SORCS3: variants seen among roughly 807,000 people sequenced by gnomAD.
The protein encoded by SORCS3 is sortilin related VPS10 domain containing receptor 3.
Under a neutral mutation model 146.3 loss-of-function variants are expected in SORCS3, and 57 were observed. The observed-to-expected ratio is 0.39, with a 90% CI of 0.31 to 0.49. SORCS3 has a LOEUF of 0.49. SORCS3 is among the 20% of genes least tolerant of loss of function. The pLI, the probability that SORCS3 is intolerant of heterozygous loss-of-function variation, is 0.92. For missense variants in SORCS3, 1,341 were observed against 1,575.5 expected, an observed-to-expected ratio of 0.85 and a Z score of 2.52; for synonymous variants, 653 against 618.5, an observed-to-expected ratio of 1.06 and a Z score of -0.83.
chr10:104,860,335 C>T (rs894251589), intron 2 of SORCS3, among the ~76,000 whole-genome samples: 13 of 123,686 alleles, frequency 1.1e-4, no homozygotes, highest in African/African-American at 2.6e-4. Flanking sequence ...AACCAAACAC[C>T]GCGTTTGCTC....
chr10:104,702,446 C>G (rs1174770905), intron 1 of SORCS3, among the ~76,000 whole-genome samples: 1 of 152,104 alleles, frequency 6.6e-6, no homozygotes, highest in African/African-American at 2.4e-5. Flanking sequence ...CACCACCATG[C>G]CTGGCAAATT....
At chr10:105,246,071 C>G (rs1180599290) in intron 21 of SORCS3, among the ~76,000 whole-genome samples, 2 of 152,156 alleles carry the variant, frequency 1.3e-5, no homozygotes, top group East Asian at 3.8e-4. Flanking sequence ...ATGAGATGAT[C>G]TCTATTCACA....
chr10:104,794,627 GAGAGAGAGAGAGAGAGAGA>G lies in SORCS3; in HGVS notation c.628-48164_628-48146del, dbSNP rs1564685537. On this transcript the variant is annotated intron_variant, in intron 1 of 26. Coordinates refer to ENST00000369701, the MANE Select transcript of SORCS3 (RefSeq NM_014978.3). ...TGTGAGAGAGAGAGAGGGAGGGAGA[GAGAGAGAGAGAGAGAGAGA>G]GAGAGAGAGAGAGAATATTATCCAG... is the stretch of plus-strand genomic sequence containing the variant. 2.1e-5 allele frequency among the ~76,000 whole-genome samples: 3 copies of G among 142,328 alleles called. No homozygotes were observed. In the Admixed American group the frequency reaches 2.1e-4, roughly 10 times the overall value. 93.4% of individuals were successfully genotyped at this position (142,328 alleles called of 152,430 possible).
intron 4 of SORCS3, among the ~76,000 whole-genome samples, chr10:105,042,811 G>A (rs921762535): frequency 6.6e-6 from 1 of 152,120 alleles, no homozygotes; most frequent in East Asian, 1.9e-4. Context: ...GACAGTGATG[G>A]CCATCAGAAG....
At position 104,767,894 on chromosome 10, in the gene SORCS3, A is replaced by G. The variant is rs533936647; in HGVS notation, c.628-74898A>G. On this transcript the variant is annotated intron_variant, in intron 1 of 26. Transcript: ENST00000369701. ...GAGTCTATTAGAGCTTGCTGGTAGT[A>G]TAAAACATGGTCAATAGGTGCCACT... Among the ~76,000 whole-genome samples, 13 of 147,398 alleles carry G rather than the reference A, an allele frequency of 8.8e-5. No homozygotes were observed. In the East Asian group the frequency reaches 2.6e-3, roughly 30 times the overall value.
chr10:105,204,143 G>T (rs577294972), intron 16 of SORCS3, among the ~76,000 whole-genome samples: 1 of 152,120 alleles, frequency 6.6e-6, no homozygotes, highest in Non-Finnish European at 1.5e-5. Flanking sequence ...GAGGTACCAT[G>T]TGGATCCAAG....
At chr10:104,756,246 C>T (rs2017049376) in intron 1 of SORCS3, among the ~76,000 whole-genome samples, 1 of 152,144 alleles carries the variant, frequency 6.6e-6, no homozygotes, top group Admixed American at 6.5e-5. Context: ...TCTCTCCACA[C>T]CTATGTTAAA....
chr10:104,825,857 A>G (rs913081149), intron 1 of SORCS3, among the ~76,000 whole-genome samples: 5 of 152,098 alleles, frequency 3.3e-5, no homozygotes, highest in African/African-American at 1.2e-4. Context: ...GTTACACAAA[A>G]CCAGAACAAC....
intron 2 of SORCS3, among the ~76,000 whole-genome samples, chr10:104,877,820 A>C (rs1310089091): frequency 1.3e-5 from 2 of 152,224 alleles, no homozygotes; most frequent in Non-Finnish European, 2.9e-5. Context: ...TTTAAAACAT[A>C]GGAAACTGTA....
intron 14 of SORCS3, among the ~76,000 whole-genome samples, chr10:105,189,184 C>T (rs956178348): frequency 1.3e-5 from 2 of 152,190 alleles, no homozygotes; most frequent in Non-Finnish European, 2.9e-5. Flanking sequence ...CTGCCCTCAG[C>T]TTGCTGGCTA....
At chr10:105,035,532 G>A (rs2797815) in intron 4 of SORCS3, among the ~76,000 whole-genome samples, 44,367 of 150,602 alleles carry the variant, frequency 0.29, 8,789 homozygotes, top group African/African-American at 0.57. Context: ...CAGTGGTGCA[G>A]TCTCGGCTCA....
chr10:105,241,600 G>A (rs975125088), intron 20 of SORCS3, among the ~76,000 whole-genome samples: 7 of 152,128 alleles, frequency 4.6e-5, no homozygotes, highest in African/African-American at 2.4e-5. Context: ...GAAGAATGAG[G>A]TCACATGGAT....
chr10:104,900,861 T>C (rs895618699), intron 2 of SORCS3, among the ~76,000 whole-genome samples: 2 of 120,494 alleles, frequency 1.7e-5, no homozygotes, highest in African/African-American at 6.5e-5. Flanking sequence ...GCCACTGTAC[T>C]CCAGTGTGGG....
chr10:104,937,321 G>A (rs1442848895), intron 3 of SORCS3, among the ~76,000 whole-genome samples: 5 of 152,214 alleles, frequency 3.3e-5, no homozygotes, highest in Non-Finnish European at 5.9e-5. Flanking sequence ...AGTTTGCCAC[G>A]TGGATCAATG....
chr10:104,690,882 C>T (rs2016103628), intron 1 of SORCS3, among the ~76,000 whole-genome samples: 1 of 152,186 alleles, frequency 6.6e-6, no homozygotes, highest in Non-Finnish European at 1.5e-5. Context: ...GTGTTCAGAG[C>T]ACTTTGTGTT....
intron 14 of SORCS3, among the ~76,000 whole-genome samples, chr10:105,190,431 A>T (rs2056509072): frequency 6.6e-6 from 1 of 152,192 alleles, no homozygotes; most frequent in African/African-American, 2.4e-5. Context: ...TTTGAGACGG[A>T]GTCTCGCTCT....
At chr10:105,187,615 C>T (rs138596572) in intron 14 of SORCS3, among the ~76,000 whole-genome samples, 186 of 152,242 alleles carry the variant, frequency 1.2e-3, no homozygotes, top group African/African-American at 4.4e-3. Flanking sequence ...AGGAGGAGGG[C>T]TTTTGGAGGC....
intron 4 of SORCS3, among the ~76,000 whole-genome samples, chr10:105,039,400 A>G (rs916787712): frequency 2.0e-5 from 3 of 150,302 alleles, no homozygotes; most frequent in African/African-American, 7.3e-5. Context: ...TAGGCAAGGT[A>G]GGAGGTGAAA....
At chr10:105,249,858 G>T (rs2056888749) in intron 22 of SORCS3, among the ~76,000 whole-genome samples, 1 of 151,824 alleles carries the variant, frequency 6.6e-6, no homozygotes, top group Non-Finnish European at 1.5e-5. Flanking sequence ...TACACTCCAG[G>T]CGACAGAGTG....
Sources: gnomAD v4.1 joint callset for allele counts (sites outside exome capture counted in the v4.1 genomes callset) on GRCh38, gnomAD v4.1.1 for gene constraint, MANE v1.5 for transcripts, NCBI Gene and HGNC (gene_info 2026-07-23, HGNC 2026-07-21) for gene names.